TRIM5: variants seen among roughly 807,000 people sequenced by gnomAD.
TRIM5 encodes the protein tripartite motif-containing protein 5.
Under a neutral mutation model 35.6 loss-of-function variants are expected in TRIM5, and 31 were observed. The ratio of observed to expected loss-of-function variants is 0.87; its 90% confidence interval spans 0.65 to 1.18. The LOEUF (loss-of-function observed/expected upper bound fraction) is 1.18. Ranked by LOEUF, TRIM5 falls within the 50% of genes most tolerant of loss-of-function variation. TRIM5 has a pLI of 0.00. For missense variants in TRIM5, 609 were observed against 591.6 expected (o/e 1.03, Z -0.31); for synonymous variants, 243 against 215.6 (o/e 1.13, Z -1.11).
At chr11:5,666,156 C>T in intron 5 of TRIM5, 75 bp from the exon 6 acceptor site, 8 of 1,228,880 alleles carry the variant, frequency 6.5e-6, no homozygotes, top group Non-Finnish European at 9.2e-6. Flanking sequence ...GACTTCCTAT[C>T]ATTTCAACCC....
the TRIM5 span, among the ~76,000 whole-genome samples, chr11:5,631,760 T>G: frequency 6.6e-6 from 1 of 151,094 alleles, no homozygotes; most frequent in Non-Finnish European, 1.5e-5. Context: ...GACAGGGAAG[T>G]TTTTTTTATA....
chr11:5,600,735 C>T, the TRIM5 span, among the ~76,000 whole-genome samples: 1 of 152,108 alleles, frequency 6.6e-6, no homozygotes, highest in Non-Finnish European at 1.5e-5. Context: ...GCTGGGAAAC[C>T]AGCCAAAGAC....
chr11:5,634,530 C>T, the TRIM5 span: 14,969 of 228,868 alleles, frequency 0.065, 178 homozygotes, highest in African/African-American at 0.12. Context: ...CACACACACA[C>T]ATATATATAT....
At chr11:5,657,596 T>C in the TRIM5 span, among the ~76,000 whole-genome samples, 1,180 of 98,564 alleles carry the variant, frequency 0.012, 30 homozygotes, top group Non-Finnish European at 0.018. Flanking sequence ...ATGCATTATA[T>C]ATAATATATA....
chr11:5,642,346 G>A, the TRIM5 span: 10 of 1,478,048 alleles, frequency 6.8e-6, no homozygotes, highest in Admixed American at 3.4e-5. Flanking sequence ...AACCAGTGAT[G>A]TGGGAGGGAT....
chr11:5,665,857 A>G, intron 6 of TRIM5, 124 bp downstream of exon 6: 13 of 1,309,818 alleles, frequency 9.9e-6, no homozygotes, highest in African/African-American at 1.5e-5. Context: ...TCCCATCAGC[A>G]GCAGACAATA....
chr11:5,611,011 C>T, the TRIM5 span: 8 of 1,614,170 alleles, frequency 5.0e-6, no homozygotes, highest in Non-Finnish European at 6.8e-6. Context: ...CTGGGACCTA[C>T]ATTCTCTTTC....
At chr11:5,622,953 G>A in the TRIM5 span, among the ~76,000 whole-genome samples, 5 of 152,216 alleles carry the variant, frequency 3.3e-5, no homozygotes, top group East Asian at 1.9e-4. Flanking sequence ...ATATATGTCC[G>A]CAAAGGCGGG....
chr11:5,660,163 G>C (rs1430432556), downstream of TRIM5, among the ~76,000 whole-genome samples: 1 of 152,116 alleles, frequency 6.6e-6, no homozygotes, highest in Non-Finnish European at 1.5e-5. Flanking sequence ...TTTTAGTAGA[G>C]ACGGGGTTTC....
At chr11:5,632,822 CTTTTTTTTTTTT>C in the TRIM5 span, 12 of 982,934 alleles carry the variant, frequency 1.2e-5, no homozygotes, top group Admixed American at 9.7e-5. Context: ...CCTTTTCATC[CTTTTTTTTTTTT>C]TTTTTTTTTT....
the TRIM5 span, among the ~76,000 whole-genome samples, chr11:5,636,598 C>G: frequency 6.6e-6 from 1 of 152,158 alleles, no homozygotes; most frequent in African/African-American, 2.4e-5. Flanking sequence ...CTTCACAACC[C>G]TTTGAATCGC....
Position 5,679,128 on chromosome 11 carries a change from C to A in TRIM5, c.459G>T (p.Gln153His), listed in dbSNP as rs750353348. The change falls in exon 3 of 8, where the codon CAG becomes CAT. Residue 153 changes from glutamine (Q) to histidine (H), a missense_variant. By Grantham distance (24) the Gln-to-His change is conservative (BLOSUM62 0). Coordinates refer to ENST00000380034, the MANE Select transcript of TRIM5 (RefSeq NM_033034.3). ...QAALEMLRQK[Q>H]QEAEELEADI... is the part of the protein sequence containing the mutation. ...CAGCTTCTAACTCTTCAGCTTCCTG[C>A]TGCTTCTGCCTCAGCATCTCCAGAG... 32 of 1,613,984 alleles carry A rather than the reference C, an allele frequency of 2.0e-5. No homozygotes were observed. The highest frequency in any genetic ancestry group is 8.9e-5 in the East Asian group (4 of 44,888).
the TRIM5 span, among the ~76,000 whole-genome samples, chr11:5,595,853 C>T: frequency 6.6e-6 from 1 of 151,880 alleles, no homozygotes; most frequent in African/African-American, 2.4e-5. Context: ...CAGCTAATTT[C>T]TGTATTTTTA....
chr11:5,643,127 T>TATATATA, the TRIM5 span: 587 of 521,360 alleles, frequency 1.1e-3, 4 homozygotes, highest in East Asian at 3.9e-3. Context: ...ATATATATAT[T>TATATATA]TTTTTTTTTC....
rs750119406 is a variant in TRIM5, at chr11:5,680,192, T to C, written c.-15A>G. On this transcript the variant is annotated 5_prime_UTR_variant, in exon 2 of 8. Coordinates refer to ENST00000380034, the MANE Select transcript of TRIM5 (RefSeq NM_033034.3). ...CCAGAAGCCATAGTAGCTATTCCAC[T>C]GCTCCTGCCTGTCCTGGCTGCTGAG... The C allele has an allele frequency of 1.9e-6, 3 of 1,576,550 alleles. No homozygotes were observed. The highest frequency in any genetic ancestry group is 2.6e-6 in the Non-Finnish European group (3 of 1,158,924).
At position 5,674,532 on chromosome 11, in the gene TRIM5, A is replaced by T. The variant is rs61435854; in HGVS notation, c.744+3672T>A. Among the ~76,000 whole-genome samples, 899 of 152,346 alleles carry T rather than the reference A, an allele frequency of 5.9e-3. 7 individuals are homozygous for T. Among genetic ancestry groups the T allele is most frequent in the African/African-American group, 0.021 (874 of 41,582 alleles). On this transcript the variant is annotated intron_variant, in intron 4 of 7. Coordinates refer to ENST00000380034, the MANE Select transcript of TRIM5 (RefSeq NM_033034.3). ...ACCAAATGTTACCTCAGACCCTAAC[A>T]CTGGGCTCAACCTAGTAAAACCCAG... is the stretch of plus-strand genomic sequence containing the variant.
chr11:5,604,704 C>A, the TRIM5 span: 1 of 1,483,488 alleles, frequency 6.7e-7, no homozygotes, highest in Non-Finnish European at 9.1e-7. Context: ...GCAAAGGAGT[C>A]CTTGTCCTGT....
chr11:5,673,835 A>G (rs1395340236), intron 4 of TRIM5, among the ~76,000 whole-genome samples: 1 of 152,164 alleles, frequency 6.6e-6, no homozygotes, highest in Non-Finnish European at 1.5e-5. Flanking sequence ...AAACCAAAAA[A>G]TCACAAAGAA....
the TRIM5 span, among the ~76,000 whole-genome samples, chr11:5,598,893 A>G: frequency 6.6e-6 from 1 of 152,110 alleles, no homozygotes; most frequent in African/African-American, 2.4e-5. Flanking sequence ...CACCACCATG[A>G]TCATGATACA....
Sources: allele counts gnomAD v4.1 joint callset (sites outside exome capture counted in the v4.1 genomes callset), GRCh38; gene constraint gnomAD v4.1.1; transcripts MANE v1.5; gene names NCBI Gene and HGNC (gene_info 2026-07-23, HGNC 2026-07-21).